LRRC40: variants seen among roughly 807,000 people sequenced by gnomAD.
The protein encoded by LRRC40 is leucine-rich repeat-containing protein 40.
Under a neutral mutation model 72.8 loss-of-function variants are expected in LRRC40, and 76 were observed. That is an observed-to-expected ratio of 1.04 (90% CI 0.87 to 1.26). The LOEUF is 1.26. Among genes scored for constraint, LRRC40 ranks in the 50% most tolerant of loss-of-function variants. LRRC40 has a pLI of 0.00. For synonymous variants in LRRC40, 243 were observed against 254.2 expected (o/e 0.96, Z 0.42); for missense variants, 684 against 698.9 (o/e 0.98, Z 0.24).
intron 6 of LRRC40, among the ~76,000 whole-genome samples, chr1:70,177,991 T>A (rs894152176): frequency 3.3e-5 from 5 of 152,244 alleles, no homozygotes; most frequent in African/African-American, 1.2e-4. Flanking sequence ...ATTTTCTTAA[T>A]AAGATTCTTT....
At chr1:70,196,745 T>C (rs148575055) in intron 1 of LRRC40, among the ~76,000 whole-genome samples, 4 of 152,290 alleles carry the variant, frequency 2.6e-5, no homozygotes, top group Admixed American at 6.5e-5. Flanking sequence ...AATAGCAGGA[T>C]TGACAGCAAA....
intron 11 of LRRC40, among the ~76,000 whole-genome samples, chr1:70,154,424 A>G (rs1366356536): frequency 7.2e-5 from 11 of 152,178 alleles, no homozygotes; most frequent in Non-Finnish European, 1.6e-4. Context: ...TTTATTCCCA[A>G]TTAACTTATT....
intron 13 of LRRC40, among the ~76,000 whole-genome samples, chr1:70,149,475 C>T: frequency 6.6e-6 from 1 of 152,084 alleles, no homozygotes; most frequent in East Asian, 1.9e-4. Context: ...ACCAAATGAC[C>T]CCTTAATAGG....
At chr1:70,154,263 G>A (rs531850634) in intron 11 of LRRC40, among the ~76,000 whole-genome samples, 98 of 152,124 alleles carry the variant, frequency 6.4e-4, no homozygotes, top group Non-Finnish European at 1.2e-3. Flanking sequence ...CATGTAATAA[G>A]GCATGTCTTG....
intron 9 of LRRC40, among the ~76,000 whole-genome samples, chr1:70,164,250 C>T (rs1018634693): frequency 3.9e-5 from 6 of 151,908 alleles, no homozygotes; most frequent in African/African-American, 9.7e-5. Context: ...ATTAGCCGGG[C>T]GTGGTTGCAC....
At chr1:70,162,393 C>T (rs1272754700) in intron 9 of LRRC40, among the ~76,000 whole-genome samples, 1 of 152,114 alleles carries the variant, frequency 6.6e-6, no homozygotes, top group East Asian at 1.9e-4. Context: ...CCCAGAACAG[C>T]AACATCACCC....
At chr1:70,149,879 T>C (rs1483292684) in intron 13 of LRRC40, among the ~76,000 whole-genome samples, 6 of 152,162 alleles carry the variant, frequency 3.9e-5, no homozygotes, top group African/African-American at 1.4e-4. Flanking sequence ...TAGGACATTA[T>C]CTAGGTTGCA....
chr1:70,193,398 G>T lies in LRRC40; in HGVS notation c.152-4125C>A, dbSNP rs551701309. ...CTTGGATGAAATGGATAAATCCCTA[G>T]AATAGAAAAAAAAAAAGTACAACCA... On this transcript the variant is annotated intron_variant, in intron 1 of 14. Coordinates refer to ENST00000370952, the MANE Select transcript of LRRC40 (RefSeq NM_017768.5). Among the ~76,000 whole-genome samples the T allele has an allele frequency of 3.3e-5, 5 of 149,264 alleles. No homozygotes were observed. The South Asian group carries it at 1.1e-3, about 32-fold the overall frequency.
Position 70,175,894 on chromosome 1 carries a change from T to C in LRRC40, c.893A>G (p.Asp298Gly), listed in dbSNP as rs1380482450. 6.2e-7 allele frequency: 1 copy of C among 1,603,948 alleles called. No homozygotes were observed. Among genetic ancestry groups the C allele is most frequent in the Admixed American group, 1.7e-5 (1 of 57,700 alleles). Reference protein sequence around the residue: ...LNSILVLDLRDNKLKSVPDEI... With the variant: ...LNSILVLDLRGNKLKSVPDEI... ...ATCTGGAACAGATTTTAACTTGTTA[T>C]CCCTCAGGTCTAGCACAAGAATTGA... Residue 298 changes from aspartate (D) to glycine (G), a missense_variant, in exon 7 of 15, where the codon GAT (aspartate) becomes GGT (glycine). Asp to Gly is a moderately conservative substitution (Grantham distance 94, BLOSUM62 -1). Coordinates refer to ENST00000370952, the MANE Select transcript of LRRC40 (RefSeq NM_017768.5).
rs186632752 is a variant in LRRC40, at chr1:70,175,779, C to T, written c.977+31G>A. 297 of 1,419,546 alleles carry T rather than the reference C, an allele frequency of 2.1e-4. 2 individuals are homozygous for T. In the East Asian group the frequency reaches 6.3e-3, roughly 30 times the overall value. 87.9% of individuals were successfully genotyped at this position (1,419,546 alleles called of 1,614,324 possible). A position where few individuals can be genotyped will look rare whatever the true frequency, so the allele number is the denominator to read the frequency against. ...TATGAATTATAACCAAATACAAACA[C>T]AATTTCTATTCATTTGATATTTAAA... On this transcript the variant is annotated intron_variant, in intron 7 of 14. Transcript: ENST00000370952.
At chr1:70,169,795 C>G (rs1460948330) in intron 9 of LRRC40, among the ~76,000 whole-genome samples, 1 of 152,022 alleles carries the variant, frequency 6.6e-6, no homozygotes, top group Non-Finnish European at 1.5e-5. Flanking sequence ...AAAAACCTAG[C>G]CACAAAGAGA....
At chr1:70,194,023 T>C (rs1668557184) in intron 1 of LRRC40, among the ~76,000 whole-genome samples, 2 of 152,074 alleles carry the variant, frequency 1.3e-5, no homozygotes, top group Admixed American at 1.3e-4. Context: ...TAAAAGAGTA[T>C]ACAAGGCAAG....
At chr1:70,161,892 A>G (rs1420894773) in intron 9 of LRRC40, among the ~76,000 whole-genome samples, 1 of 152,214 alleles carries the variant, frequency 6.6e-6, no homozygotes, top group Non-Finnish European at 1.5e-5. Context: ...AACTCGATCT[A>G]GTGGACAAAA....
chr1:70,175,669 T>G, intron 7 of LRRC40, 141 bp downstream of exon 7: 2 of 566,634 alleles, frequency 3.5e-6, no homozygotes, highest in Non-Finnish European at 5.9e-6. Context: ...AATCTTTATC[T>G]GTACATAACT....
chr1:70,199,748 C>T (rs1326335072), intron 1 of LRRC40, among the ~76,000 whole-genome samples: 2 of 152,120 alleles, frequency 1.3e-5, no homozygotes, highest in Non-Finnish European at 2.9e-5. Context: ...AGTAAGGCTT[C>T]TAGTCAACAG....
chr1:70,205,502 G>A lies in LRRC40; in HGVS notation c.39C>T (p.Arg13=), dbSNP rs1209775802. The change falls in exon 1 of 15, where the codon CGC becomes CGT. Residue 13 remains arginine (R), a synonymous_variant. Coordinates refer to ENST00000370952, the MANE Select transcript of LRRC40 (RefSeq NM_017768.5). ...CTCTTCCACCTGCTTTGAAACCAGC[G>A]CGGAGATCCTGCCCCGCTATCCGCT... ...RLKRIAGQDL[R]AGFKAGGRDC... is the part of the protein sequence containing the mutation. 2 of 1,605,050 alleles carry A rather than the reference G, an allele frequency of 1.2e-6. No individual in the cohort carries two copies. Among genetic ancestry groups the A allele is most frequent in the South Asian group, 1.1e-5 (1 of 90,518 alleles).
chr1:70,149,274 C>T (rs1485030208), intron 13 of LRRC40, among the ~76,000 whole-genome samples: 1 of 152,194 alleles, frequency 6.6e-6, no homozygotes, highest in Non-Finnish European at 1.5e-5. Flanking sequence ...ACAGTTTTAG[C>T]ATGAGGTGAA....
chr1:70,189,143 A>T lies in LRRC40; in HGVS notation c.282T>A (p.Leu94=). The change falls in exon 2 of 15, where the codon CTT becomes CTA. Residue 94 remains leucine, a synonymous_variant. Coordinates refer to ENST00000370952, the MANE Select transcript of LRRC40 (RefSeq NM_017768.5). ...LTKLIISNNK[L]QSLTDDLRLL... ...GTCGCAGGTCATCTGTAAGTGACTGAAGTTTATTGTTTGATATTATTAGTT... is the reference window on the plus strand; with the variant it reads ...GTCGCAGGTCATCTGTAAGTGACTGTAGTTTATTGTTTGATATTATTAGTT... 1.2e-6 allele frequency: 2 copies of T among 1,613,848 alleles called. No individual in the cohort carries two copies. The highest frequency in any genetic ancestry group is 1.7e-6 in the Non-Finnish European group (2 of 1,179,952).
intron 1 of LRRC40, among the ~76,000 whole-genome samples, chr1:70,194,015 A>C (rs1410040320): frequency 6.6e-6 from 1 of 151,034 alleles, no homozygotes; most frequent in African/African-American, 2.5e-5. Context: ...TTTCTCTTTA[A>C]AAGAGTATAC....
Sources: allele counts gnomAD v4.1 joint callset (sites outside exome capture counted in the v4.1 genomes callset), GRCh38; gene constraint gnomAD v4.1.1; transcripts MANE v1.5; gene names NCBI Gene and HGNC (gene_info 2026-07-23, HGNC 2026-07-21).